ACCSL: variants seen among roughly 807,000 people sequenced by gnomAD.
The protein encoded by ACCSL is probable inactive 1-aminocyclopropane-1-carboxylate synthase-like protein 2.
Under a neutral mutation model 61.7 loss-of-function variants are expected in ACCSL, and 55 were observed. The observed-to-expected ratio is 0.89, with a 90% CI of 0.72 to 1.12. The LOEUF is 1.12. ACCSL is among the 50% of genes most tolerant of loss of function. The pLI is 0.00. For synonymous variants in ACCSL, 258 were observed against 264.3 expected (o/e 0.98, Z 0.23); for missense variants, 632 against 698.0 (o/e 0.91, Z 1.07).
chr11:44,058,554 T>A lies in ACCSL; in HGVS notation c.1479T>A (p.Asp493Glu). Residue 493 changes from aspartate to glutamate, a missense_variant, in exon 13 of 14, where the codon GAT (aspartate) becomes GAA (glutamate). Asp to Glu is a conservative substitution (Grantham distance 45). Transcript: ENST00000378832. Reference protein sequence around the residue: ...YVWINLKKYLDPCTFEEERLL... With the variant: ...YVWINLKKYLEPCTFEEERLL... The stretch of plus-strand genomic sequence containing the variant: ...TCCTCTGCCCTCCCTAGTACCTGGA[T>A]CCCTGTACATTTGAAGAAGAACGGC... 6.2e-7 allele frequency: 1 copy of A among 1,614,016 alleles called. No individual in the cohort carries two copies. Among genetic ancestry groups the A allele is most frequent in the Non-Finnish European group, 8.5e-7 (1 of 1,179,956 alleles).
At chr11:44,020,720 C>T in the ACCSL span, among the ~76,000 whole-genome samples, 1 of 151,924 alleles carries the variant, frequency 6.6e-6, no homozygotes, top group South Asian at 2.1e-4. Context: ...GATTTTGGTG[C>T]ACCCATCACC....
At chr11:44,033,570 C>T in the ACCSL span, among the ~76,000 whole-genome samples, 2 of 152,146 alleles carry the variant, frequency 1.3e-5, no homozygotes, top group Admixed American at 6.5e-5. Flanking sequence ...TTGATCTCCC[C>T]CACAGCACCA....
At chr11:44,059,781 C>A (rs1952696208) in intron 13 of ACCSL, 57 bp from the exon 14 acceptor site, 10 of 1,500,700 alleles carry the variant, frequency 6.7e-6, no homozygotes, top group Non-Finnish European at 9.2e-6. Flanking sequence ...ATGTCTGGGA[C>A]CCACCAGCAA....
chr11:44,010,360 A>C, the ACCSL span, among the ~76,000 whole-genome samples: 1 of 152,184 alleles, frequency 6.6e-6, no homozygotes, highest in Non-Finnish European at 1.5e-5. Context: ...CGTCTCCTTC[A>C]TATAGGCAAC....
At chr11:44,044,914 G>A (rs150166222), upstream of ACCSL, among the ~76,000 whole-genome samples, 849 of 152,290 alleles carry the variant, frequency 5.6e-3, 13 homozygotes, top group African/African-American at 0.02. Flanking sequence ...AAGGTAGATG[G>A]TGGGAGGCTG....
At chr11:43,985,817 A>G in the ACCSL span, among the ~76,000 whole-genome samples, 3 of 152,146 alleles carry the variant, frequency 2.0e-5, no homozygotes, top group Admixed American at 6.5e-5. Context: ...CCGGCGGATC[A>G]CCTGAGGTCA....
chr11:43,966,759 G>T, the ACCSL span, among the ~76,000 whole-genome samples: 1 of 151,554 alleles, frequency 6.6e-6, no homozygotes, highest in South Asian at 2.1e-4. Context: ...TTCTTTTTTG[G>T]CCTGGCTACT....
upstream of ACCSL, among the ~76,000 whole-genome samples, chr11:44,045,529 T>C (rs1952592825): frequency 6.6e-6 from 1 of 152,194 alleles, no homozygotes; most frequent in African/African-American, 2.4e-5. Flanking sequence ...CCCCCATGTT[T>C]GCTATATAAA....
chr11:43,982,886 G>A, the ACCSL span, among the ~76,000 whole-genome samples: 1 of 152,190 alleles, frequency 6.6e-6, no homozygotes, highest in African/African-American at 2.4e-5. Context: ...GTGGTCAGAG[G>A]AGCGGTGGGC....
the ACCSL span, among the ~76,000 whole-genome samples, chr11:44,028,947 G>A: frequency 3.3e-5 from 5 of 152,190 alleles, no homozygotes; most frequent in Non-Finnish European, 7.3e-5. Context: ...TGTTCAGGCT[G>A]GGCTGGGGTG....
At chr11:43,954,241 G>T in the ACCSL span, among the ~76,000 whole-genome samples, 3 of 152,168 alleles carry the variant, frequency 2.0e-5, no homozygotes, top group African/African-American at 7.2e-5. Context: ...TCATTGTTTG[G>T]AGTGATACCT....
chr11:44,038,996 G>A, the ACCSL span, among the ~76,000 whole-genome samples: 1 of 152,182 alleles, frequency 6.6e-6, no homozygotes, highest in African/African-American at 2.4e-5. Flanking sequence ...AGTTTATTCT[G>A]GGGCTCCTTC....
the ACCSL span, among the ~76,000 whole-genome samples, chr11:43,931,677 A>G: frequency 1.3e-5 from 2 of 152,246 alleles, no homozygotes; most frequent in Non-Finnish European, 2.9e-5. Context: ...GTGAGATGAT[A>G]GGCACAAAGT....
chr11:43,967,654 T>C, the ACCSL span, among the ~76,000 whole-genome samples: 1 of 152,120 alleles, frequency 6.6e-6, no homozygotes, highest in Non-Finnish European at 1.5e-5. Context: ...ATGATAACAT[T>C]TTTTTTTCTC....
chr11:44,050,201 A>G (rs1952627899), intron 2 of ACCSL, 80 bp downstream of exon 2: 11 of 1,202,070 alleles, frequency 9.2e-6, no homozygotes, highest in Non-Finnish European at 1.4e-5. Flanking sequence ...TATGGTAGAT[A>G]CAGGGGTGAG....
chr11:43,965,229 A>C, the ACCSL span, among the ~76,000 whole-genome samples: 57 of 152,352 alleles, frequency 3.7e-4, no homozygotes, highest in Non-Finnish European at 7.5e-4. Flanking sequence ...TAGAGCTATT[A>C]ATAACAAACA....
the ACCSL span, among the ~76,000 whole-genome samples, chr11:43,956,857 T>C: frequency 4.6e-5 from 7 of 152,118 alleles, no homozygotes; most frequent in Non-Finnish European, 8.8e-5. Context: ...TGTGGCTGTT[T>C]TTTTCCCAAA....
the ACCSL span, among the ~76,000 whole-genome samples, chr11:43,970,076 G>A: frequency 1.3e-5 from 2 of 152,106 alleles, no homozygotes; most frequent in Admixed American, 6.5e-5. Flanking sequence ...CAGAACTTGG[G>A]AGACCGATGC....
At chr11:43,948,384 A>G in the ACCSL span, among the ~76,000 whole-genome samples, 1 of 152,208 alleles carries the variant, frequency 6.6e-6, no homozygotes, top group Admixed American at 6.5e-5. Flanking sequence ...CAGGCATTTT[A>G]CAGGTGAGAA....
Sources: gnomAD v4.1 joint callset for allele counts (sites outside exome capture counted in the v4.1 genomes callset) on GRCh38, gnomAD v4.1.1 for gene constraint, MANE v1.5 for transcripts, NCBI Gene and HGNC (gene_info 2026-07-23, HGNC 2026-07-21) for gene names.